SMC4: variants seen among roughly 807,000 people sequenced by gnomAD.
SMC4 encodes structural maintenance of chromosomes 4.
A neutral mutation model predicts 145.6 loss-of-function variants in SMC4; 87 were observed. The observed-to-expected ratio is 0.60, with a 90% CI of 0.50 to 0.71. The LOEUF (loss-of-function observed/expected upper bound fraction) is 0.71. Ranked by LOEUF, SMC4 falls within the 30% of genes least tolerant of loss-of-function variation. The pLI is 0.00. For synonymous variants in SMC4, 558 were observed against 500.7 expected (o/e 1.11, Z -1.53); for missense variants, 1,447 against 1,537.1 (o/e 0.94, Z 0.98).
chr3:160,400,016 C>T (rs1714326642), intron 1 of SMC4: 1 of 152,278 alleles, frequency 6.6e-6, no homozygotes, highest in Non-Finnish European at 1.5e-5. Context: ...TTTAAAAAAT[C>T]CTAGTCTCTA....
Position 160,404,433 on chromosome 3 carries a change from T to C in SMC4, c.616T>C (p.Phe206Leu), listed in dbSNP as rs1715074506. 6.2e-7 allele frequency: 1 copy of C among 1,612,098 alleles called. No homozygotes were observed. Among genetic ancestry groups the C allele is most frequent in the East Asian group, 2.2e-5 (1 of 44,796 alleles). The change falls in exon 5 of 24, where the codon TTT becomes CTT. Residue 206 changes from phenylalanine (F) to leucine (L), a missense_variant. Coordinates refer to ENST00000357388, the MANE Select transcript of SMC4 (RefSeq NM_001002800.3). ...VYHISGKKKT[F>L]KDVGNLLRSH... ...TCACATAAGTGGAAAGAAAAAGACATTTAAGGATGTTGGAAATCTTCTTCG... is the reference window on the plus strand; with the variant it reads ...TCACATAAGTGGAAAGAAAAAGACACTTAAGGATGTTGGAAATCTTCTTCG...
In SMC4 at chr3:160,419,471, T is replaced by C; in HGVS notation, c.1785T>C (p.Ser595=). Residue 595 remains serine (S), a synonymous_variant, in exon 12 of 24, where the codon AGT becomes AGC. Coordinates refer to ENST00000357388, the MANE Select transcript of SMC4 (RefSeq NM_001002800.3). ...AGAGCTCATTAGCAATGAATCGAAG[T>C]AGGGGGAAAGTCCTTGATGCAATAA... The part of the protein sequence containing the change: ...EAKSSLAMNR[S]RGKVLDAIIQ... The C allele has an allele frequency of 6.2e-7, 1 of 1,611,524 alleles. No individual in the cohort carries two copies. Among genetic ancestry groups the C allele is most frequent in the Non-Finnish European group, 8.5e-7 (1 of 1,179,416 alleles).
rs367924395 is a variant in SMC4 at position 160,412,290 on chromosome 3, G to C, written c.853-36G>C. 7.5e-4 allele frequency: 1,169 copies of C among 1,554,036 alleles called. 3 individuals carry two copies. The highest frequency in any genetic ancestry group is 9.7e-4 in the Non-Finnish European group (1,107 of 1,139,180). ...TTTAAGTTCATATTGTACATATGAA[G>C]TGTGTATTCAGTCTTTAAACTTTTA... On this transcript the variant is annotated intron_variant, in intron 6 of 23. Coordinates refer to ENST00000357388, the MANE Select transcript of SMC4 (RefSeq NM_001002800.3).
At chr3:160,405,713 C>T (rs1715253673) in intron 5 of SMC4, among the ~76,000 whole-genome samples, 1 of 151,920 alleles carries the variant, frequency 6.6e-6, no homozygotes, top group Non-Finnish European at 1.5e-5. Context: ...AAATTAATTG[C>T]AGATATATTT....
chr3:160,401,812 CTACTT>C lies in SMC4; in HGVS notation c.140-100_140-96del. 4.8e-6 allele frequency: 4 copies of C among 826,896 alleles called. No homozygotes were observed. The South Asian group carries it at 7.0e-5, about 14-fold the overall frequency. The allele number at this position is 826,896 out of a possible 1,614,324, so 51.2% of individuals were successfully genotyped here. A position where few individuals can be genotyped will look rare whatever the true frequency, so the allele number is the denominator to read the frequency against. ...TTCATAAATAACATCCCTCCATCCC[CTACTT>C]TAAAGATGGGCAGTCATTAGTTCTC... On this transcript the variant is annotated intron_variant, in intron 2 of 23. Transcript: ENST00000357388.
intron 5 of SMC4, among the ~76,000 whole-genome samples, chr3:160,409,157 A>G (rs1576947594): frequency 1.3e-5 from 2 of 149,372 alleles, no homozygotes; most frequent in Non-Finnish European, 3.0e-5. Flanking sequence ...TCCCAGCTAC[A>G]CAGGAGGCTG....
At chr3:160,430,951 T>A in intron 19 of SMC4, 81 bp from the exon 20 acceptor site, 1 of 1,381,354 alleles carries the variant, frequency 7.2e-7, no homozygotes, top group Non-Finnish European at 9.9e-7. Flanking sequence ...GAGGAGAGAT[T>A]GGTAATTCCT....
At chr3:160,400,756 C>T (rs891222290) in intron 1 of SMC4, 66 bp from the exon 2 acceptor site, 10 of 1,408,458 alleles carry the variant, frequency 7.1e-6, no homozygotes, top group Middle Eastern at 3.9e-4. Context: ...GAGATTTCCC[C>T]GGGTGGGGCG....
chr3:160,401,942 G>C lies in SMC4; in HGVS notation c.167G>C (p.Arg56Thr). 1.3e-6 allele frequency: 2 copies of C among 1,599,870 alleles called. No homozygotes were observed. The highest frequency in any genetic ancestry group is 2.3e-5 in the East Asian group (1 of 43,708). ...ACTGCAAGTGAGGAACTTGATAATAGAAGTTTAGAAGAGATTTTGAACAGC... is the reference window on the plus strand; with the variant it reads ...ACTGCAAGTGAGGAACTTGATAATACAAGTTTAGAAGAGATTTTGAACAGC... Reference protein sequence around the residue: ...AETASEELDNRSLEEILNSIP... With the variant: ...AETASEELDNTSLEEILNSIP... Residue 56 changes from arginine to threonine, a missense_variant, in exon 3 of 24, where the codon AGA becomes ACA. Coordinates refer to ENST00000357388, the MANE Select transcript of SMC4 (RefSeq NM_001002800.3).
Position 160,404,334 on chromosome 3 carries a change from G to C in SMC4, c.517G>C (p.Asp173His). The C allele has an allele frequency of 1.2e-6, 2 of 1,601,444 alleles. No homozygotes were observed. Among genetic ancestry groups the C allele is most frequent in the Non-Finnish European group, 1.7e-6 (2 of 1,176,788 alleles). Residue 173 changes from aspartate (D) to histidine (H), a missense_variant, in exon 5 of 24, where the codon GAT (aspartate) becomes CAT (histidine). Asp to His is a moderately conservative substitution (Grantham distance 81, BLOSUM62 -1). Coordinates refer to ENST00000357388, the MANE Select transcript of SMC4 (RefSeq NM_001002800.3). ...HFQKIIDKEGDDYEVIPNSNF... is the reference protein window; with the variant it reads ...HFQKIIDKEGHDYEVIPNSNF... ...TTGTTTTTCCTCAAAACAGGAAGGG[G>C]ATGATTATGAAGTCATTCCTAACAG... is the stretch of plus-strand genomic sequence containing the variant.
intron 2 of SMC4, 35 bp downstream of exon 2, chr3:160,401,000 G>T: frequency 7.3e-7 from 1 of 1,369,248 alleles, no homozygotes; most frequent in Non-Finnish European, 9.3e-7. Context: ...GGGAACGCGC[G>T]CTGTGGGACT....
intron 10 of SMC4, among the ~76,000 whole-genome samples, chr3:160,417,055 G>A (rs1716666836): frequency 6.6e-6 from 1 of 152,176 alleles, no homozygotes; most frequent in Admixed American, 6.5e-5. Context: ...ACCCCAACAA[G>A]AGTAAGCATA....
At position 160,414,410 on chromosome 3, in the gene SMC4, A is replaced by G; in HGVS notation, c.1165A>G (p.Lys389Glu). 6.2e-7 allele frequency: 1 copy of G among 1,609,208 alleles called. No individual in the cohort carries two copies. The highest frequency in any genetic ancestry group is 1.3e-5 in the African/African-American group (1 of 74,748). The change falls in exon 9 of 24, where the codon AAA becomes GAA. Residue 389 changes from lysine (K) to glutamate (E), a missense_variant. By Grantham distance (56) the Lys-to-Glu change is moderately conservative. Coordinates refer to ENST00000357388, the MANE Select transcript of SMC4 (RefSeq NM_001002800.3). ...AAAATTTATTGAGGAGAATAAAGAA[A>G]AATTTACACAGCTAGATTTGGAAGA... Reference protein sequence around the residue: ...ITKFIEENKEKFTQLDLEDVQ... With the variant: ...ITKFIEENKEEFTQLDLEDVQ...
chr3:160,434,601 G>GTTAA lies in SMC4; in HGVS notation c.*796_*799dup, dbSNP rs71957551. 1 of 152,152 alleles carries GTTAA rather than the reference G, an allele frequency of 6.6e-6. No homozygotes were observed. Among genetic ancestry groups the GTTAA allele is most frequent in the African/African-American group, 2.4e-5 (1 of 41,432 alleles). The allele number at this position is 152,152 out of a possible 1,614,324, so 9.4% of individuals were successfully genotyped here. A position where few individuals can be genotyped will look rare whatever the true frequency, so the allele number is the denominator to read the frequency against. On this transcript the variant is annotated 3_prime_UTR_variant, in exon 24 of 24. Coordinates refer to ENST00000357388, the MANE Select transcript of SMC4 (RefSeq NM_001002800.3). ...ACTGTTGAGGAGCATCTATTTAGGG[G>GTTAA]TTAATTACTTTAGTAATAAGTGGAA...
chr3:160,433,573 T>C (rs1577003498), intron 23 of SMC4, 84 bp from the exon 24 acceptor site: 2 of 797,920 alleles, frequency 2.5e-6, no homozygotes, highest in Non-Finnish European at 4.0e-6. Context: ...GTAATGTTTA[T>C]TGTCCAAAAA....
Position 160,419,466 on chromosome 3 carries a change from C to T in SMC4, c.1780C>T (p.Arg594Ter), listed in dbSNP as rs774059610. 8.1e-6 allele frequency: 13 copies of T among 1,610,496 alleles called. No homozygotes were observed. In the East Asian group the frequency reaches 9.0e-5, roughly 11 times the overall value. The change falls in exon 12 of 24, where the codon CGA becomes TGA. Residue 594 changes from arginine (R) to a stop codon, truncating the protein, a stop_gained. Transcript: ENST00000357388. LOFTEE classifies it high-confidence loss of function. ...EEAKSSLAMN[R>*]SRGKVLDAII... is the part of the protein sequence containing the mutation. ...AGCAAAGAGCTCATTAGCAATGAAT[C>T]GAAGTAGGGGGAAAGTCCTTGATGC...
rs192124947 is a variant in SMC4 at position 160,404,049 on chromosome 3, A to G, written c.511-279A>G. On this transcript the variant is annotated intron_variant, in intron 4 of 23. Coordinates refer to ENST00000357388, the MANE Select transcript of SMC4 (RefSeq NM_001002800.3). ...TCTTGTCTACGTCTTCTCAATCATA[A>G]ACGTTTTTAGGCTTGTTTGGAGGTG... 1.5e-3 allele frequency: 493 copies of G among 327,828 alleles called. 2 individuals carry two copies. Among genetic ancestry groups the G allele is most frequent in the African/African-American group, 0.01 (468 of 45,258 alleles). 20.3% of individuals were successfully genotyped at this position (327,828 alleles called of 1,614,324 possible).
At chr3:160,408,258 A>T (rs962720034) in intron 5 of SMC4, among the ~76,000 whole-genome samples, 3 of 152,194 alleles carry the variant, frequency 2.0e-5, no homozygotes, top group Non-Finnish European at 4.4e-5. Context: ...GATGCTTGCT[A>T]AAATTTGGAT....
At position 160,417,572 on chromosome 3, in the gene SMC4, GAATCT is replaced by G. The variant is rs142286119; in HGVS notation, c.1438-149_1438-145del. The G allele has an allele frequency of 2.5e-3, 1,658 of 657,330 alleles. 6 individuals are homozygous for G. The highest frequency in any genetic ancestry group is 2.6e-3 in the South Asian group (138 of 52,670). 40.7% of individuals were successfully genotyped at this position (657,330 alleles called of 1,614,324 possible). On this transcript the variant is annotated intron_variant, in intron 10 of 23. Transcript: ENST00000357388. ...GAATATTGACAACTAGGCAAAAACT[GAATCT>G]AGTCCACTTGTGAGAATTTCTTATT...
Sources: allele counts gnomAD v4.1 joint callset (sites outside exome capture counted in the v4.1 genomes callset), GRCh38; gene constraint gnomAD v4.1.1; transcripts MANE v1.5; gene names NCBI Gene and HGNC (gene_info 2026-07-23, HGNC 2026-07-21).